The following MAP4K3 variants were observed in gnomAD, a reference collection of about 807,000 sequenced individuals.
MAP4K3 encodes the protein MAPK/ERK kinase kinase kinase 3.
In MAP4K3, 94 loss-of-function variants were observed where a neutral mutation model predicts 143.5. The observed-to-expected ratio is 0.65, with a 90% confidence interval of 0.55 to 0.78. The LOEUF is 0.78. Among genes scored for constraint, MAP4K3 ranks in the 30% least tolerant of loss-of-function variants. The pLI is 0.00. For synonymous variants in MAP4K3, 416 were observed against 347.2 expected, an observed-to-expected ratio of 1.20 and a Z score of -2.20; for missense variants, 1,077 against 1,068.1, an observed-to-expected ratio of 1.01 and a Z score of -0.12.
chr2:39,279,672 C>A (rs1405075596), intron 23 of MAP4K3, among the ~76,000 whole-genome samples: 2 of 152,044 alleles, frequency 1.3e-5, no homozygotes, highest in Non-Finnish European at 2.9e-5. Context: ...AATGAAGCTA[C>A]TGGCCAGTGG....
chr2:39,266,495 A>AT (rs1049437006), intron 27 of MAP4K3, among the ~76,000 whole-genome samples: 16 of 149,438 alleles, frequency 1.1e-4, no homozygotes, highest in South Asian at 4.3e-4. Context: ...AACCTTTATG[A>AT]TTTTTTTTTT....
At chr2:39,428,412 G>A (rs1016290614) in intron 1 of MAP4K3, among the ~76,000 whole-genome samples, 13 of 152,178 alleles carry the variant, frequency 8.5e-5, no homozygotes, top group African/African-American at 2.4e-4. Context: ...AGTGGCTCAC[G>A]CCTGTAATCC....
Position 39,368,637 on chromosome 2 carries a change from C to T in MAP4K3, c.154+9429G>A, listed in dbSNP as rs535629643. ...TGAGCTATGATCACATCACTATACT[C>T]CAGCCTGGGTGACAGGGTGAGATCC... is the stretch of plus-strand genomic sequence containing the variant. On this transcript the variant is annotated intron_variant, in intron 2 of 33. Transcript: ENST00000263881. Among the ~76,000 whole-genome samples, 15 of 151,968 alleles carry T rather than the reference C, an allele frequency of 9.9e-5. No individual in the cohort carries two copies. The South Asian group carries it at 2.9e-3, about 30-fold the overall frequency.
intron 1 of MAP4K3, among the ~76,000 whole-genome samples, chr2:39,428,828 G>C (rs1179241920): frequency 1.3e-5 from 2 of 151,808 alleles, no homozygotes; most frequent in African/African-American, 2.4e-5. Context: ...CCAGCACCTT[G>C]GGAGGCTGAG....
At chr2:39,435,743 T>A (rs1558357553) in intron 1 of MAP4K3, among the ~76,000 whole-genome samples, 2 of 152,248 alleles carry the variant, frequency 1.3e-5, no homozygotes, top group African/African-American at 4.8e-5. Flanking sequence ...ACTTGCCAAG[T>A]ATCTCATACA....
At chr2:39,354,989 A>C (rs1665566070) in intron 3 of MAP4K3, among the ~76,000 whole-genome samples, 1 of 151,978 alleles carries the variant, frequency 6.6e-6, no homozygotes, top group African/African-American at 2.4e-5. Context: ...TCACACCTGT[A>C]ATTTCAGCAT....
chr2:39,303,830 C>T (rs1030013761), intron 15 of MAP4K3, among the ~76,000 whole-genome samples: 4 of 152,326 alleles, frequency 2.6e-5, no homozygotes, highest in East Asian at 3.9e-4. Context: ...AGCTACCACG[C>T]CGGGTCAACA....
intron 3 of MAP4K3, among the ~76,000 whole-genome samples, chr2:39,347,639 G>A (rs1238529149): frequency 6.6e-6 from 1 of 152,004 alleles, no homozygotes; most frequent in Admixed American, 6.6e-5. Context: ...TTGTAGTGTA[G>A]TGTAGTATAA....
At chr2:39,420,183 C>T (rs535633061) in intron 1 of MAP4K3, among the ~76,000 whole-genome samples, 3 of 152,186 alleles carry the variant, frequency 2.0e-5, no homozygotes, top group Admixed American at 1.3e-4. Flanking sequence ...TGAAAGCAAA[C>T]GCTAAACAAT....
intron 1 of MAP4K3, among the ~76,000 whole-genome samples, chr2:39,396,175 C>A (rs1462729303): frequency 1.3e-5 from 2 of 151,920 alleles, no homozygotes; most frequent in Non-Finnish European, 2.9e-5. Context: ...GCAGTTGGAA[C>A]TACAGGCATG....
At chr2:39,258,863 A>G (rs58211546) in intron 29 of MAP4K3, among the ~76,000 whole-genome samples, 9,030 of 152,188 alleles carry the variant, frequency 0.059, 932 homozygotes, top group African/African-American at 0.21. Flanking sequence ...AAACAAACAT[A>G]CTTAAAATAT....
At position 39,288,163 on chromosome 2, in the gene MAP4K3, G is replaced by A; in HGVS notation, c.1432C>T (p.Pro478Ser). 1 of 1,614,146 alleles carries A rather than the reference G, an allele frequency of 6.2e-7. No individual in the cohort carries two copies. The highest frequency in any genetic ancestry group is 8.5e-7 in the Non-Finnish European group (1 of 1,180,012). ...PAKPSQVPPR[P>S]PPPRLPPHKP... ...TGTGGGGGTAATCTGGGAGGTGGTG[G>A]TCTAGGTGGAACTTGGGATGGCTTT... is the stretch of plus-strand genomic sequence containing the variant. Residue 478 changes from proline (P) to serine (S), a missense_variant, in exon 20 of 34, where the codon CCA becomes TCA. Physicochemically the swap from Pro to Ser is moderately conservative, Grantham distance 74. This residue lies in a region of MAP4K3 where 864 missense variants were observed against 801.2 expected (regional missense o/e 1.08). Coordinates refer to ENST00000263881, the MANE Select transcript of MAP4K3 (RefSeq NM_003618.4).
At chr2:39,250,736 A>G (rs202190387) in intron 33 of MAP4K3, 31 bp from the exon 34 acceptor site, 6 of 1,578,552 alleles carry the variant, frequency 3.8e-6, no homozygotes, top group Non-Finnish European at 5.2e-6. Context: ...ATAACAAAAC[A>G]AAGTTATTCC....
intron 16 of MAP4K3, chr2:39,294,014 T>C (rs1682164835): frequency 6.6e-6 from 1 of 152,230 alleles, no homozygotes; most frequent in Admixed American, 6.5e-5. Context: ...TACTTCTTTT[T>C]ACCGCAAGTT....
chr2:39,325,381 A>C lies in MAP4K3; in HGVS notation c.918+137T>G, dbSNP rs531436862. On this transcript the variant is annotated intron_variant, in intron 12 of 33. Coordinates refer to ENST00000263881, the MANE Select transcript of MAP4K3 (RefSeq NM_003618.4). The stretch of plus-strand genomic sequence containing the variant: ...CATGAAAGGCAAAGACAAAGAATTA[A>C]TTGTTCCCTCAAGAGCTTTTTTATT... The C allele has an allele frequency of 1.2e-5, 6 of 514,458 alleles. No homozygotes were observed. In the South Asian group the frequency reaches 2.2e-4, roughly 19 times the overall value. The allele number at this position is 514,458 out of a possible 1,614,324, so 31.9% of individuals were successfully genotyped here.
intron 29 of MAP4K3, among the ~76,000 whole-genome samples, chr2:39,259,405 A>C (rs7608958): frequency 0.69 from 105,536 of 152,036 alleles, 40,168 homozygotes; most frequent in Non-Finnish European, 0.84. Flanking sequence ...TACATACTAC[A>C]TACTCAATGA....
intron 4 of MAP4K3, among the ~76,000 whole-genome samples, chr2:39,339,399 G>A: frequency 6.6e-6 from 1 of 151,874 alleles, no homozygotes; most frequent in Non-Finnish European, 1.5e-5. Context: ...TTTTTTTTCA[G>A]AAATAACCTT....
intron 4 of MAP4K3, 126 bp from the exon 5 acceptor site, chr2:39,337,707 G>C (rs977376052): frequency 8.5e-6 from 4 of 469,516 alleles, no homozygotes; most frequent in Non-Finnish European, 7.9e-6. Context: ...ATGTAAGCTA[G>C]GACTACAGGC....
Position 39,301,493 on chromosome 2 carries a change from A to T in MAP4K3, c.1120-1692T>A, listed in dbSNP as rs1682507788. Among the ~76,000 whole-genome samples, 5 of 152,336 alleles carry T rather than the reference A, an allele frequency of 3.3e-5. No individual in the cohort carries two copies. The South Asian group carries it at 1.0e-3, about 32-fold the overall frequency. On this transcript the variant is annotated intron_variant, in intron 15 of 33. Coordinates refer to ENST00000263881, the MANE Select transcript of MAP4K3 (RefSeq NM_003618.4). ...CAAAATTTGTTTTCTTCAGCTATAG[A>T]TAACTGGGCCCTCTATCAGACCAGC...
Sources: gnomAD v4.1 joint callset for allele counts (sites outside exome capture counted in the v4.1 genomes callset) on GRCh38, gnomAD v4.1.1 for gene constraint, gnomAD v4.1.1 regional missense constraint, MANE v1.5 for transcripts, NCBI Gene and HGNC (gene_info 2026-07-23, HGNC 2026-07-21) for gene names.